PLEKHG1: variants seen among roughly 807,000 people sequenced by gnomAD.
The protein encoded by PLEKHG1 is pleckstrin homology domain-containing family G member 1.
Under a neutral mutation model 100.8 loss-of-function variants are expected in PLEKHG1, and 44 were observed. The ratio of observed to expected loss-of-function variants is 0.44; its 90% CI spans 0.34 to 0.56. PLEKHG1 has a LOEUF of 0.56. Among genes scored for constraint, PLEKHG1 ranks in the 20% least tolerant of loss-of-function variants. The probability of loss-of-function intolerance (pLI) is 0.01; values close to 1 mark genes in which losing one functional copy is unlikely to be tolerated. For synonymous variants in PLEKHG1, 640 were observed against 662.5 expected (o/e 0.97, Z 0.52); for missense variants, 1,545 against 1,720.9 (o/e 0.90, Z 1.81).
rs1477499582 is a variant in PLEKHG1 at position 150,828,336 on chromosome 6, G to GCGGC, written c.1471-2245_1471-2242dup. ...TTGAAGACGTGTTGCTCTCCTCAGT[G>GCGGC]CGGCGCTCTGTCCTCATGAAGAGGG... On this transcript the variant is annotated intron_variant, in intron 14 of 15. Coordinates refer to ENST00000358517, the Ensembl canonical transcript of PLEKHG1. 5 of 1,611,520 alleles carry GCGGC rather than the reference G, an allele frequency of 3.1e-6. No homozygotes were observed. The African/African-American group carries it at 6.7e-5, about 22-fold the overall frequency.
At chr6:150,667,356 T>C (rs1779440404) in intron 3 of PLEKHG1, among the ~76,000 whole-genome samples, 1 of 152,202 alleles carries the variant, frequency 6.6e-6, no homozygotes, top group Admixed American at 6.5e-5. Flanking sequence ...TGACTAAGGA[T>C]TGACTCTGAA....
At chr6:150,665,926 C>G (rs1352666566) in intron 3 of PLEKHG1, among the ~76,000 whole-genome samples, 2 of 152,170 alleles carry the variant, frequency 1.3e-5, no homozygotes, top group African/African-American at 2.4e-5. Flanking sequence ...AATGTATAAA[C>G]TTGGCCTCAC....
chr6:150,787,187 A>G (rs1785675372), intron 4 of PLEKHG1, among the ~76,000 whole-genome samples: 1 of 152,330 alleles, frequency 6.6e-6, no homozygotes, highest in Admixed American at 6.5e-5. Context: ...CTCTATAATT[A>G]TCTTTCTTTT....
chr6:150,684,445 T>G (rs1290562567), intron 3 of PLEKHG1, among the ~76,000 whole-genome samples: 1 of 152,208 alleles, frequency 6.6e-6, no homozygotes, highest in Non-Finnish European at 1.5e-5. Context: ...ATTTGAAATT[T>G]CAACTGGCTC....
chr6:150,840,342 G>A, exon 16 of PLEKHG1: 8 of 1,614,190 alleles, frequency 5.0e-6, no homozygotes, highest in African/African-American at 1.3e-5. Flanking sequence ...CCCTAGTGAT[G>A]TGGGAAAGCA....
Position 150,600,830 on chromosome 6 carries a change from C to T in PLEKHG1, c.-204+813C>T, listed in dbSNP as rs954962956. 11 of 152,236 alleles carry T rather than the reference C, an allele frequency of 7.2e-5. No homozygotes were observed. Among genetic ancestry groups the T allele is most frequent in the African/African-American group, 2.7e-4 (11 of 41,466 alleles). 9.4% of individuals were successfully genotyped at this position (152,236 alleles called of 1,614,324 possible). ...CTCGGCTGGTCAATTCATTCCGCTC[C>T]TCGGAAACAATGAGCTGGATCCTTG... On this transcript the variant is annotated intron_variant, in intron 1 of 3. Transcript: ENST00000367326. This position sits in a 1 kb window ranked among gnomAD's most constrained non-coding sequence, Gnocchi z 6.2.
At chr6:150,645,051 A>G (rs1289488104) in intron 2 of PLEKHG1, among the ~76,000 whole-genome samples, 1 of 152,220 alleles carries the variant, frequency 6.6e-6, no homozygotes, top group African/African-American at 2.4e-5. Context: ...GAAGAAACAC[A>G]TAGAAGGATT....
intron 2 of PLEKHG1, among the ~76,000 whole-genome samples, chr6:150,742,324 G>A (rs1447127918): frequency 1.3e-5 from 2 of 152,038 alleles, no homozygotes; most frequent in Admixed American, 1.3e-4. Flanking sequence ...TCCAGCACTC[G>A]GGGAGGCCGA....
intron 4 of PLEKHG1, among the ~76,000 whole-genome samples, chr6:150,791,633 G>A (rs1437179588): frequency 6.7e-6 from 1 of 148,948 alleles, no homozygotes; most frequent in Non-Finnish European, 1.5e-5. Context: ...TGGTGCCACT[G>A]TATTCCAGCC....
At chr6:150,772,729 A>G (rs138424207) in intron 3 of PLEKHG1, among the ~76,000 whole-genome samples, 111 of 152,356 alleles carry the variant, frequency 7.3e-4, no homozygotes, top group African/African-American at 2.6e-3. Context: ...TAGTTCATTT[A>G]ACTGCTGTGT....
intron 1 of PLEKHG1, among the ~76,000 whole-genome samples, chr6:150,627,188 T>TA (rs1777544676): frequency 6.6e-6 from 1 of 152,196 alleles, no homozygotes; most frequent in Non-Finnish European, 1.5e-5. Context: ...ATTTGAAAGA[T>TA]AAAAAATATT....
At chr6:150,718,546 T>C (rs1330066654), upstream of PLEKHG1, among the ~76,000 whole-genome samples, 2 of 149,086 alleles carry the variant, frequency 1.3e-5, no homozygotes, top group Non-Finnish European at 3.0e-5. Context: ...CTCGGCTCAC[T>C]ACAACCTCCA....
exon 16 of PLEKHG1, chr6:150,840,766 A>C: frequency 6.2e-7 from 1 of 1,614,194 alleles, no homozygotes; most frequent in Non-Finnish European, 8.5e-7. Context: ...CTTTCACCAT[A>C]TCTGACACCA....
rs541405576 is a variant in PLEKHG1 at position 150,806,461 on chromosome 6, G to A, written c.912+1720G>A. Among the ~76,000 whole-genome samples the A allele has an allele frequency of 1.6e-4, 25 of 152,024 alleles. No homozygotes were observed. In the East Asian group the frequency reaches 4.8e-3, roughly 29 times the overall value. On this transcript the variant is annotated intron_variant, in intron 7 of 15. Transcript: ENST00000358517. ...ACACTTTGGGAGGCCGAGGCAGGCG[G>A]ATCACTTGATGTCAGGAGTTCGAGA...
chr6:150,666,061 A>G (rs1282627163), intron 3 of PLEKHG1, among the ~76,000 whole-genome samples: 2 of 152,180 alleles, frequency 1.3e-5, no homozygotes, highest in Admixed American at 6.5e-5. Flanking sequence ...TTTAGACAAC[A>G]ATTTCCTGTT....
rs142027569 is a variant in PLEKHG1 at position 150,703,653 on chromosome 6, A to G, written c.-98-29931A>G. On this transcript the variant is annotated intron_variant, in intron 3 of 3. Transcript: ENST00000367326. ...TTCTACTTGAAGAGCTACTTCCTAC[A>G]GTATTAAAAAAAATCAGTCTAGAAT... Among the ~76,000 whole-genome samples, 10 of 150,830 alleles carry G rather than the reference A, an allele frequency of 6.6e-5. No individual in the cohort carries two copies. In the East Asian group the frequency reaches 1.9e-3, roughly 29 times the overall value.
intron 3 of PLEKHG1, among the ~76,000 whole-genome samples, chr6:150,708,313 G>A (rs1250710013): frequency 6.6e-6 from 1 of 152,020 alleles, no homozygotes; most frequent in Non-Finnish European, 1.5e-5. Flanking sequence ...TATTCTACTT[G>A]TCCTACCAGA....
intron 1 of PLEKHG1, among the ~76,000 whole-genome samples, chr6:150,721,465 A>T (rs184148260): frequency 6.6e-6 from 1 of 152,086 alleles, no homozygotes; most frequent in East Asian, 1.9e-4. Context: ...GTTTCATCTG[A>T]TTTTGCTCTT....
chr6:150,611,458 C>G (rs1565655), intron 1 of PLEKHG1, among the ~76,000 whole-genome samples: 1 of 152,070 alleles, frequency 6.6e-6, no homozygotes, highest in East Asian at 1.9e-4. Flanking sequence ...TCCAAAGAGC[C>G]CCTTCCTATT....
Sources: allele counts gnomAD v4.1 joint callset (sites outside exome capture counted in the v4.1 genomes callset), GRCh38; gene constraint gnomAD v4.1.1; non-coding constraint Gnocchi (gnomAD v3.1); transcripts MANE v1.5; gene names NCBI Gene and HGNC (gene_info 2026-07-23, HGNC 2026-07-21).